Variants in PFN1 observed in about 807,000 individuals in gnomAD.
PFN1 encodes profilin 1, also known as profilin-1.
In PFN1, 2 loss-of-function variants were observed where a neutral mutation model predicts 11.7. That is an observed-to-expected ratio of 0.17 (90% CI 0.07 to 0.54). The LOEUF (loss-of-function observed/expected upper bound fraction) is 0.54, where lower values mean the gene tolerates loss of function less well. Ranked by LOEUF, PFN1 falls within the 20% of genes least tolerant of loss-of-function variation. The pLI, the probability that PFN1 is intolerant of heterozygous loss-of-function variation, is 0.94. For missense variants in PFN1, 97 were observed against 188.4 expected (o/e 0.51, Z 2.84); for synonymous variants, 78 against 76.2 (o/e 1.02, Z -0.12).
At chr17:4,947,767 G>C (rs1332354755) in intron 1 of PFN1, among the ~76,000 whole-genome samples, 1 of 152,122 alleles carries the variant, frequency 6.6e-6, no homozygotes, top group Non-Finnish European at 1.5e-5. Flanking sequence ...ACGGAGTTAG[G>C]AGGGGCCAGA....
intron 1 of PFN1, 67 bp downstream of exon 1, chr17:4,948,196 C>CCACCCAAGTCCCTCCCT: frequency 6.7e-7 from 1 of 1,499,856 alleles, no homozygotes; most frequent in Non-Finnish European, 8.9e-7. Flanking sequence ...GCGCCCGCCC[C>CCACCCAAGTCCCTCCCT]CACCCAAGTC....
At chr17:4,947,936 CTG>C (rs1971442114) in intron 1 of PFN1, among the ~76,000 whole-genome samples, 1 of 152,208 alleles carries the variant, frequency 6.6e-6, no homozygotes, top group South Asian at 2.1e-4. Flanking sequence ...CCAGTAAAAA[CTG>C]AGGCGCGTCC....
At chr17:4,947,851 AGAGG>A (rs1971439387) in intron 1 of PFN1, among the ~76,000 whole-genome samples, 1 of 152,180 alleles carries the variant, frequency 6.6e-6, no homozygotes, top group African/African-American at 2.4e-5. Flanking sequence ...AAACAATGGT[AGAGG>A]GACGCGGGCT....
At position 4,945,665 on chromosome 17, in the gene PFN1, CTT is replaced by C. The variant is rs757650091; in HGVS notation, c.*233_*234del. The C allele has an allele frequency of 6.9e-6, 3 of 432,404 alleles. No homozygotes were observed. The highest frequency in any genetic ancestry group is 2.0e-5 in the African/African-American group (1 of 49,736). The allele number at this position is 432,404 out of a possible 1,614,324, so 26.8% of individuals were successfully genotyped here. ...TCACACAGCACCTTGTTAGTAGAAT[CTT>C]TTTTATTCAGAAAAAAAAAACCCCA... On this transcript the variant is annotated 3_prime_UTR_variant, in exon 3 of 3. Transcript: ENST00000225655.
chr17:4,946,331 G>T (rs552898299), intron 2 of PFN1, among the ~76,000 whole-genome samples: 1 of 152,132 alleles, frequency 6.6e-6, no homozygotes. Context: ...CGATGAACTC[G>T]ATGATTCAAG....
intron 1 of PFN1, 175 bp from the exon 2 acceptor site, chr17:4,946,995 C>T (rs1971411821): frequency 4.1e-6 from 2 of 483,274 alleles, no homozygotes; most frequent in Non-Finnish European, 7.2e-6. Flanking sequence ...GACTGTGGGA[C>T]GTTAGTGCAG....
chr17:4,948,054 G>T (rs1190787602), intron 1 of PFN1: 31 of 484,964 alleles, frequency 6.4e-5, no homozygotes, highest in Non-Finnish European at 1.0e-4. Context: ...GCGGGGTAGC[G>T]GGCGGGATGG....
rs1286203573 is a variant in PFN1, at chr17:4,948,281, T to C, written c.114A>G (p.Lys38=). 3.1e-6 allele frequency: 5 copies of C among 1,609,042 alleles called. No individual in the cohort carries two copies. Among genetic ancestry groups the C allele is most frequent in the Non-Finnish European group, 4.2e-6 (5 of 1,178,406 alleles). Residue 38 remains lysine (K), a synonymous_variant, in exon 1 of 3, where the codon AAA becomes AAG. Coordinates refer to ENST00000225655, the MANE Select transcript of PFN1 (RefSeq NM_005022.4). ...SPSVWAAVPG[K]TFVNITPAEV... is the part of the protein sequence containing the mutation. Reference sequence around the variant, plus strand: ...GCAGTACCGTGATGTTGACGAACGTTTTCCCGGGGACGGCGGCCCAGACGG... The same window carrying C: ...GCAGTACCGTGATGTTGACGAACGTCTTCCCGGGGACGGCGGCCCAGACGG...
chr17:4,947,770 G>A (rs931368003), intron 1 of PFN1, among the ~76,000 whole-genome samples: 8 of 152,132 alleles, frequency 5.3e-5, no homozygotes, highest in African/African-American at 1.7e-4. Flanking sequence ...GAGTTAGGAG[G>A]GGCCAGAAGC....
intron 1 of PFN1, among the ~76,000 whole-genome samples, chr17:4,947,882 G>A (rs1394290432): frequency 6.6e-6 from 1 of 152,156 alleles, no homozygotes; most frequent in Non-Finnish European, 1.5e-5. Context: ...CGGACGGGGA[G>A]CTGGGGGTCC....
chr17:4,946,876 T>C, intron 1 of PFN1, 56 bp from the exon 2 acceptor site: 2 of 1,517,540 alleles, frequency 1.3e-6, no homozygotes, highest in Non-Finnish European at 1.8e-6. Flanking sequence ...ATTCCCACCG[T>C]GTTCTCCAAA....
chr17:4,945,749 G>A lies in PFN1; in HGVS notation c.*151C>T. 1.7e-6 allele frequency: 1 copy of A among 582,868 alleles called. No homozygotes were observed. The highest frequency in any genetic ancestry group is 3.2e-6 in the Non-Finnish European group (1 of 315,254). 36.1% of individuals were successfully genotyped at this position (582,868 alleles called of 1,614,324 possible). On this transcript the variant is annotated 3_prime_UTR_variant, in exon 3 of 3. Coordinates refer to ENST00000225655, the MANE Select transcript of PFN1 (RefSeq NM_005022.4). Reference sequence around the variant, plus strand: ...GGGATATGGGTAGGGGGAGGTGTCTGTCCATCCAGCCCTGGCCCCCAGCCC... The same window carrying A: ...GGGATATGGGTAGGGGGAGGTGTCTATCCATCCAGCCCTGGCCCCCAGCCC...
chr17:4,946,152 C>T (rs987936857), intron 2 of PFN1, among the ~76,000 whole-genome samples, 155 bp from the exon 3 acceptor site: 10 of 148,422 alleles, frequency 6.7e-5, no homozygotes, highest in Non-Finnish European at 1.3e-4. Flanking sequence ...CTGTCAGTCA[C>T]CCTGAAACAA....
rs1311925716 is a variant in PFN1 at position 4,948,409 on chromosome 17, G to A, written c.-15C>T. ...CACCCGGCCATGGCGCTGCTACTGG[G>A]GCTGCTCTCGGCGCTGCTGCTGGGG... On this transcript the variant is annotated 5_prime_UTR_variant, in exon 1 of 3. Transcript: ENST00000225655. 1.3e-6 allele frequency: 2 copies of A among 1,588,172 alleles called. No individual in the cohort carries two copies. Among genetic ancestry groups the A allele is most frequent in the African/African-American group, 2.8e-5 (2 of 72,546 alleles).
chr17:4,947,540 C>G (rs1402398329), intron 1 of PFN1: 1 of 149,898 alleles, frequency 6.7e-6, no homozygotes, highest in African/African-American at 2.4e-5. Context: ...CTCCCCACTT[C>G]CGGGCAGTGT....
chr17:4,946,068 G>C (rs918882719), intron 2 of PFN1, 71 bp from the exon 3 acceptor site: 7 of 1,169,052 alleles, frequency 6.0e-6, no homozygotes, highest in Admixed American at 1.7e-5. Flanking sequence ...CAGCTGTTCA[G>C]CAGCTGTCCA....
Position 4,948,313 on chromosome 17 carries a change from A to T in PFN1, c.82T>A (p.Ser28Thr), listed in dbSNP as rs1171912025. 5 of 1,610,598 alleles carry T rather than the reference A, an allele frequency of 3.1e-6. No homozygotes were observed. The Admixed American group carries it at 6.7e-5, about 22-fold the overall frequency. Residue 28 changes from serine to threonine, a missense_variant, in exon 1 of 3, where the codon TCG (serine) becomes ACG (threonine). Coordinates refer to ENST00000225655, the MANE Select transcript of PFN1 (RefSeq NM_005022.4). ...QDAAIVGYKDSPSVWAAVPGK... is the reference protein window; with the variant it reads ...QDAAIVGYKDTPSVWAAVPGK... ...GGGACGGCGGCCCAGACGGAGGGCG[A>T]GTCCTTGTAGCCCACGATGGCCGCG...
rs552898299 is a variant in PFN1, at chr17:4,946,331, G to A, written c.325+297C>T. ...ACAAAAGAACTCAAACGATGAACTC[G>A]ATGATTCAAGACCCCAACAATCTAC... On this transcript the variant is annotated intron_variant, in intron 2 of 2. Transcript: ENST00000225655. Among the ~76,000 whole-genome samples the A allele has an allele frequency of 8.5e-5, 13 of 152,250 alleles. No homozygotes were observed. In the East Asian group the frequency reaches 2.3e-3, roughly 27 times the overall value.
At chr17:4,947,331 G>T (rs1418859827) in intron 1 of PFN1, 2 of 152,326 alleles carry the variant, frequency 1.3e-5, no homozygotes, top group East Asian at 3.8e-4. Context: ...GCTCTGAGAT[G>T]AGGAAGCAGA....
Sources: gnomAD v4.1 joint callset for allele counts (sites outside exome capture counted in the v4.1 genomes callset) on GRCh38, gnomAD v4.1.1 for gene constraint, MANE v1.5 for transcripts, NCBI Gene and HGNC (gene_info 2026-07-23, HGNC 2026-07-21) for gene names.